Variants in GNPTAB observed in about 807,000 individuals in gnomAD.
GNPTAB encodes the protein N-acetylglucosamine-1-phosphotransferase subunits alpha/beta.
In GNPTAB, 92 loss-of-function variants were observed where a neutral mutation model predicts 136.6. That is an observed-to-expected ratio of 0.67 (90% CI 0.57 to 0.80). The LOEUF (loss-of-function observed/expected upper bound fraction) is 0.80. Among genes scored for constraint, GNPTAB ranks in the 30% least tolerant of loss-of-function variants. GNPTAB has a pLI of 0.00. For missense variants in GNPTAB, 1,343 were observed against 1,501.8 expected, an observed-to-expected ratio of 0.89 and a Z score of 1.75; for synonymous variants, 512 against 535.1, an observed-to-expected ratio of 0.96 and a Z score of 0.60.
At chr12:101,804,778 C>T (rs1869847092) in intron 1 of GNPTAB, among the ~76,000 whole-genome samples, 1 of 152,160 alleles carries the variant, frequency 6.6e-6, no homozygotes, top group Non-Finnish European at 1.5e-5. Flanking sequence ...TAAAGACTGT[C>T]ACAAAAATAC....
In GNPTAB at chr12:101,765,014, T is replaced by G. The variant is rs775724815; in HGVS notation, c.1903A>C (p.Thr635Pro). 5.0e-6 allele frequency: 8 copies of G among 1,614,228 alleles called. No individual in the cohort carries two copies. The highest frequency in any genetic ancestry group is 5.9e-6 in the Non-Finnish European group (7 of 1,180,030). ...GAATTCAGTTTTGGTCCCTCCCTTG[T>G]GTCCACCTCCACTGTTATCTGCATT... Reference protein sequence around the residue: ...FKMQITVEVDTREGPKLNSTA... With the variant: ...FKMQITVEVDPREGPKLNSTA... Residue 635 changes from threonine (T) to proline (P), a missense_variant, in exon 13 of 21, where the codon ACA becomes CCA. Thr to Pro is a conservative substitution (Grantham distance 38). Transcript: ENST00000299314.
chr12:101,813,733 C>G (rs1467582365), intron 1 of GNPTAB, among the ~76,000 whole-genome samples: 1 of 152,188 alleles, frequency 6.6e-6, no homozygotes, highest in African/African-American at 2.4e-5. Flanking sequence ...GGTATGGTAG[C>G]TAACACCTGT....
intron 1 of GNPTAB, among the ~76,000 whole-genome samples, chr12:101,800,669 T>C (rs1261864933): frequency 1.4e-5 from 2 of 145,662 alleles, no homozygotes; most frequent in Non-Finnish European, 3.0e-5. Context: ...TCCCAGCTAC[T>C]AGGGAGGCTA....
rs752134032 is a variant in GNPTAB, at chr12:101,766,075, T to C, written c.1612+16A>G. On this transcript the variant is annotated intron_variant, in intron 12 of 20. Coordinates refer to ENST00000299314, the MANE Select transcript of GNPTAB (RefSeq NM_024312.5). ...GTTTTATGCTCCCATTCTTATTTGT[T>C]TGGCAGTAAACATACCTTGCCCACA... 6.2e-7 allele frequency: 1 copy of C among 1,609,060 alleles called. No individual in the cohort carries two copies. Among genetic ancestry groups the C allele is most frequent in the South Asian group, 1.1e-5 (1 of 90,926 alleles).
chr12:101,761,809 C>CTA, intron 13 of GNPTAB, 46 bp from the exon 14 acceptor site: 2 of 1,343,722 alleles, frequency 1.5e-6, no homozygotes, highest in Non-Finnish European at 2.1e-6. Flanking sequence ...GTTTAGTGCA[C>CTA]AAGTGTACTT....
intron 13 of GNPTAB, among the ~76,000 whole-genome samples, chr12:101,762,324 GATAAAA>G (rs1953009593): frequency 6.6e-6 from 1 of 152,254 alleles, no homozygotes; most frequent in East Asian, 1.9e-4. Context: ...TTCTCAAACT[GATAAAA>G]ATAAAAATGT....
chr12:101,749,416 G>A (rs1239872821), intron 19 of GNPTAB, among the ~76,000 whole-genome samples: 1 of 152,194 alleles, frequency 6.6e-6, no homozygotes, highest in Non-Finnish European at 1.5e-5. Context: ...ATCCAGGCAG[G>A]AGAGAGGACT....
chr12:101,819,034 A>G (rs898859770), intron 1 of GNPTAB, among the ~76,000 whole-genome samples: 2 of 151,068 alleles, frequency 1.3e-5, no homozygotes, highest in Admixed American at 6.6e-5. Context: ...TTTTTGAGAC[A>G]GAGTCTCGCT....
At chr12:101,755,024 A>C (rs1952880937) in intron 18 of GNPTAB, among the ~76,000 whole-genome samples, 1 of 152,224 alleles carries the variant, frequency 6.6e-6, no homozygotes, top group Non-Finnish European at 1.5e-5. Context: ...GAGGAGTGAA[A>C]GGTGTACATT....
chr12:101,768,173 C>G lies in GNPTAB; in HGVS notation c.1285-13G>C. On this transcript the variant is annotated splice_polypyrimidine_tract_variant and intron_variant, in intron 10 of 20. Transcript: ENST00000299314. ...ATGTCAAATAAACCTACGATAAAAC[C>G]AAAGAGAAAATAAAATGACTTCTGG... 6.2e-7 allele frequency: 1 copy of G among 1,613,780 alleles called. No homozygotes were observed. The highest frequency in any genetic ancestry group is 8.5e-7 in the Non-Finnish European group (1 of 1,179,754).
intron 1 of GNPTAB, among the ~76,000 whole-genome samples, chr12:101,797,520 G>A (rs1361621288): frequency 6.6e-6 from 1 of 152,134 alleles, no homozygotes; most frequent in Admixed American, 6.5e-5. Flanking sequence ...AGCTACTCGG[G>A]AAGTGAGACA....
intron 7 of GNPTAB, among the ~76,000 whole-genome samples, chr12:101,774,976 T>C (rs1017216769): frequency 3.3e-5 from 5 of 152,222 alleles, no homozygotes; most frequent in African/African-American, 1.2e-4. Context: ...AAAGGCTGCG[T>C]CAAGTTGTCT....
At position 101,770,561 on chromosome 12, in the gene GNPTAB, C is replaced by T. The variant is rs748389057; in HGVS notation, c.958G>A (p.Ala320Thr). Residue 320 changes from alanine (A) to threonine (T), a missense_variant, in exon 9 of 21, where the codon GCC becomes ACC. Transcript: ENST00000299314. ...SQSKQDEDIS[A>T]SRFEDNEELR... ...TCTTCGTTATCTTCAAAACGACTGGCAGAGATGTCTTCATCCTGCTTAGAC... is the reference window on the plus strand; with the variant it reads ...TCTTCGTTATCTTCAAAACGACTGGTAGAGATGTCTTCATCCTGCTTAGAC... 1 of 1,613,588 alleles carries T rather than the reference C, an allele frequency of 6.2e-7. No homozygotes were observed. Among genetic ancestry groups the T allele is most frequent in the Non-Finnish European group, 8.5e-7 (1 of 1,179,558 alleles).
At chr12:101,814,033 C>T (rs1037968648) in intron 1 of GNPTAB, among the ~76,000 whole-genome samples, 8 of 149,988 alleles carry the variant, frequency 5.3e-5, no homozygotes, top group African/African-American at 2.0e-4. Flanking sequence ...GAGCCGAGAT[C>T]GCACCACTGC....
chr12:101,805,138 A>C (rs1022005909), intron 1 of GNPTAB, among the ~76,000 whole-genome samples: 5 of 152,214 alleles, frequency 3.3e-5, no homozygotes, highest in African/African-American at 1.2e-4. Flanking sequence ...CTTTTAGTAT[A>C]ATTAGTAAAC....
intron 19 of GNPTAB, among the ~76,000 whole-genome samples, chr12:101,751,504 T>C (rs996901842): frequency 1.3e-5 from 2 of 152,302 alleles, no homozygotes; most frequent in South Asian, 4.1e-4. Flanking sequence ...AACTGAAAGA[T>C]AAAATTATCT....
At chr12:101,814,681 A>C (rs1362566944) in intron 1 of GNPTAB, among the ~76,000 whole-genome samples, 3 of 152,220 alleles carry the variant, frequency 2.0e-5, no homozygotes, top group African/African-American at 7.2e-5. Flanking sequence ...TGGGCAACAG[A>C]GCAAGACTCC....
chr12:101,758,765 C>T (rs1368292522), intron 16 of GNPTAB, among the ~76,000 whole-genome samples: 2 of 152,162 alleles, frequency 1.3e-5, no homozygotes, highest in Admixed American at 1.3e-4. Flanking sequence ...ACTGTGTCTC[C>T]TCATGAGGGA....
chr12:101,807,798 C>T lies in GNPTAB; in HGVS notation c.118-11036G>A, dbSNP rs933227524. On this transcript the variant is annotated intron_variant, in intron 1 of 20. Coordinates refer to ENST00000299314, the MANE Select transcript of GNPTAB (RefSeq NM_024312.5). ...TACAAAAATTAGCCAGGTGTGGCGG[C>T]GCACACTTGTAGTCCCAGCTACTCA... Among the ~76,000 whole-genome samples the T allele has an allele frequency of 7.2e-5, 11 of 152,016 alleles. No individual in the cohort carries two copies. In the East Asian group the frequency reaches 1.5e-3, roughly 21 times the overall value.
Sources: allele counts gnomAD v4.1 joint callset (sites outside exome capture counted in the v4.1 genomes callset), GRCh38; gene constraint gnomAD v4.1.1; transcripts MANE v1.5; gene names NCBI Gene and HGNC (gene_info 2026-07-23, HGNC 2026-07-21).